CDKAL1: variants seen among roughly 807,000 people sequenced by gnomAD.
The protein encoded by CDKAL1 is threonylcarbamoyladenosine tRNA methylthiotransferase.
In CDKAL1, 32 loss-of-function variants were observed where a neutral mutation model predicts 68.2. That is an observed-to-expected ratio of 0.47 (90% CI 0.35 to 0.63). The LOEUF is 0.63. Among genes scored for constraint, CDKAL1 ranks in the 30% least tolerant of loss-of-function variants. The probability of loss-of-function intolerance (pLI) is 0.00; values close to 1 mark genes in which losing one functional copy is unlikely to be tolerated. For missense variants in CDKAL1, 606 were observed against 696.7 expected, an observed-to-expected ratio of 0.87 and a Z score of 1.47; for synonymous variants, 234 against 244.3, an observed-to-expected ratio of 0.96 and a Z score of 0.39.
chr6:20,711,223 A>T (rs13213613), intron 5 of CDKAL1, among the ~76,000 whole-genome samples: 2,072 of 152,326 alleles, frequency 0.014, 19 homozygotes, highest in Non-Finnish European at 0.022. Context: ...TTTGAAATAT[A>T]CATGTTAATT....
chr6:20,913,484 A>T (rs897210222), intron 9 of CDKAL1, among the ~76,000 whole-genome samples: 5 of 152,142 alleles, frequency 3.3e-5, no homozygotes, highest in Non-Finnish European at 7.4e-5. Context: ...AAGAGAGAGG[A>T]CCTACTGCGA....
chr6:21,100,137 A>G (rs1461890508), intron 12 of CDKAL1, among the ~76,000 whole-genome samples: 1 of 152,076 alleles, frequency 6.6e-6, no homozygotes, highest in Non-Finnish European at 1.5e-5. Context: ...TGTGAAAATG[A>G]GAGGCTGATG....
intron 8 of CDKAL1, among the ~76,000 whole-genome samples, chr6:20,785,318 T>C (rs914016392): frequency 2.1e-5 from 3 of 145,574 alleles, no homozygotes; most frequent in Non-Finnish European, 4.6e-5. Context: ...CTTTTTCTTT[T>C]TTTTTTTTTT....
intron 4 of CDKAL1, among the ~76,000 whole-genome samples, chr6:20,622,493 G>A (rs1767238734): frequency 6.6e-6 from 1 of 152,048 alleles, no homozygotes; most frequent in Admixed American, 6.6e-5. Flanking sequence ...GAGTAGTGTT[G>A]GATTGATACT....
chr6:20,845,637 T>C (rs1469089160), intron 8 of CDKAL1, among the ~76,000 whole-genome samples: 2 of 152,162 alleles, frequency 1.3e-5, no homozygotes, highest in Admixed American at 1.3e-4. Context: ...TCTTATATCA[T>C]TAGTTAAAAG....
intron 9 of CDKAL1, among the ~76,000 whole-genome samples, chr6:20,859,648 G>A (rs1360510047): frequency 3.3e-5 from 5 of 152,218 alleles, no homozygotes; most frequent in Admixed American, 6.5e-5. Context: ...ATGATGGTGA[G>A]TATGAGAGTT....
chr6:20,675,099 A>G (rs1161680938), intron 5 of CDKAL1, among the ~76,000 whole-genome samples: 1 of 152,094 alleles, frequency 6.6e-6, no homozygotes, highest in Non-Finnish European at 1.5e-5. Flanking sequence ...TATTCTTGGC[A>G]AAAAATAATA....
rs545324535 is a variant in CDKAL1, at chr6:21,185,777, T to C, written c.1300-12244T>C. Reference sequence around the variant, plus strand: ...AATAGAATAGGTGAAGAGAAATAAATACTAGATCAATTTTCTTTCAAGAAA... The same window carrying C: ...AATAGAATAGGTGAAGAGAAATAAACACTAGATCAATTTTCTTTCAAGAAA... On this transcript the variant is annotated intron_variant, in intron 13 of 15. Coordinates refer to ENST00000274695, the MANE Select transcript of CDKAL1 (RefSeq NM_017774.3). Among the ~76,000 whole-genome samples the C allele has an allele frequency of 1.9e-4, 29 of 152,310 alleles. No homozygotes were observed. In the South Asian group the frequency reaches 3.3e-3, roughly 17 times the overall value.
At chr6:20,899,848 A>T (rs1382503410) in intron 9 of CDKAL1, among the ~76,000 whole-genome samples, 1 of 152,182 alleles carries the variant, frequency 6.6e-6, no homozygotes, top group Non-Finnish European at 1.5e-5. Context: ...GTCTCAAAAA[A>T]ACATTTAAAA....
intron 4 of CDKAL1, among the ~76,000 whole-genome samples, chr6:20,561,930 A>G (rs1210907243): frequency 1.3e-5 from 2 of 152,212 alleles, no homozygotes; most frequent in Non-Finnish European, 2.9e-5. Flanking sequence ...CATGTCTTGG[A>G]TAAGATCCTT....
At chr6:20,978,255 C>A (rs1340106505) in intron 10 of CDKAL1, among the ~76,000 whole-genome samples, 3 of 152,172 alleles carry the variant, frequency 2.0e-5, no homozygotes, top group Non-Finnish European at 2.9e-5. Context: ...ACTGATTCAA[C>A]CAATGAGTAG....
chr6:21,160,405 C>G (rs973117564), intron 13 of CDKAL1, among the ~76,000 whole-genome samples: 1 of 151,578 alleles, frequency 6.6e-6, no homozygotes, highest in Non-Finnish European at 1.5e-5. Flanking sequence ...TCAAGTGATT[C>G]TTCTGCTTCA....
intron 5 of CDKAL1, among the ~76,000 whole-genome samples, chr6:20,706,714 G>C (rs1361747702): frequency 6.6e-6 from 1 of 152,166 alleles, no homozygotes; most frequent in Admixed American, 6.5e-5. Flanking sequence ...TACAGCATCT[G>C]TTTCACCTGC....
At chr6:21,022,914 A>G (rs1768754840) in intron 11 of CDKAL1, among the ~76,000 whole-genome samples, 1 of 152,148 alleles carries the variant, frequency 6.6e-6, no homozygotes, top group African/African-American at 2.4e-5. Context: ...GAGAACTCAT[A>G]TTGTCCAATA....
At chr6:20,733,210 A>G (rs949530620) in intron 5 of CDKAL1, among the ~76,000 whole-genome samples, 20 of 152,196 alleles carry the variant, frequency 1.3e-4, no homozygotes, top group African/African-American at 4.8e-4. Context: ...TCCCACAGCT[A>G]CTTGCAGCTG....
intron 8 of CDKAL1, among the ~76,000 whole-genome samples, chr6:20,833,655 A>G (rs1777813150): frequency 6.6e-6 from 1 of 152,172 alleles, no homozygotes; most frequent in Non-Finnish European, 1.5e-5. Flanking sequence ...AGAAAACAAC[A>G]CATATTGGTC....
intron 4 of CDKAL1, among the ~76,000 whole-genome samples, chr6:20,639,944 C>T (rs1768091413): frequency 6.6e-6 from 1 of 152,262 alleles, no homozygotes; most frequent in Admixed American, 6.5e-5. Context: ...GCTGGGATTA[C>T]AGGCGCGAGC....
chr6:21,187,484 T>G (rs1025606114), intron 13 of CDKAL1, among the ~76,000 whole-genome samples: 2 of 152,218 alleles, frequency 1.3e-5, no homozygotes, highest in African/African-American at 4.8e-5. Context: ...AAAAGAAGCT[T>G]TCTTATGCCA....
chr6:20,769,746 A>C (rs1189481830), intron 7 of CDKAL1, among the ~76,000 whole-genome samples: 1 of 152,190 alleles, frequency 6.6e-6, no homozygotes, highest in African/African-American at 2.4e-5. Flanking sequence ...TATGGTAGTA[A>C]CTGTAATTAA....
Sources: allele counts gnomAD v4.1 joint callset (sites outside exome capture counted in the v4.1 genomes callset), GRCh38; gene constraint gnomAD v4.1.1; transcripts MANE v1.5; gene names NCBI Gene and HGNC (gene_info 2026-07-23, HGNC 2026-07-21).